The following DPP10 variants were observed in gnomAD, a reference collection of about 807,000 sequenced individuals.
The protein encoded by DPP10 is dipeptidyl peptidase like 10.
A neutral mutation model predicts 120.9 loss-of-function variants in DPP10; 33 were observed. The observed-to-expected ratio is 0.27, with a 90% CI of 0.21 to 0.37. The LOEUF (loss-of-function observed/expected upper bound fraction) is 0.37. DPP10 is among the 10% of genes least tolerant of loss of function. DPP10 has a pLI of 1.00. For synonymous variants in DPP10, 337 were observed against 326.1 expected, an observed-to-expected ratio of 1.03 and a Z score of -0.36; for missense variants, 816 against 942.8, an observed-to-expected ratio of 0.87 and a Z score of 1.76.
intron 3 of DPP10, among the ~76,000 whole-genome samples, chr2:115,391,406 G>A (rs2067305808): frequency 6.6e-6 from 1 of 152,072 alleles, no homozygotes; most frequent in African/African-American, 2.4e-5. Context: ...CACATTCAAG[G>A]ATATATGAGA....
intron 1 of DPP10, among the ~76,000 whole-genome samples, chr2:114,963,923 T>C (rs965503119): frequency 6.6e-6 from 1 of 152,178 alleles, no homozygotes; most frequent in East Asian, 1.9e-4. Flanking sequence ...GAAGCAAAGA[T>C]ACAGAGAAGA....
At chr2:115,398,323 G>C (rs774355006) in intron 3 of DPP10, among the ~76,000 whole-genome samples, 1 of 151,964 alleles carries the variant, frequency 6.6e-6, no homozygotes, top group Non-Finnish European at 1.5e-5. Context: ...ATTGAGTCAC[G>C]CCTGAAGCAA....
intron 3 of DPP10, among the ~76,000 whole-genome samples, chr2:115,404,059 A>T (rs1453636798): frequency 1.3e-5 from 2 of 152,228 alleles, no homozygotes; most frequent in Non-Finnish European, 2.9e-5. Context: ...GTATTAGACC[A>T]TTCCCACATT....
chr2:115,592,421 A>G (rs1400427060), intron 5 of DPP10, among the ~76,000 whole-genome samples: 1 of 152,010 alleles, frequency 6.6e-6, no homozygotes, highest in Non-Finnish European at 1.5e-5. Context: ...TCTTAGTTCT[A>G]GGAAAGGCAT....
At chr2:115,056,845 T>C (rs550924489) in intron 1 of DPP10, among the ~76,000 whole-genome samples, 1 of 152,372 alleles carries the variant, frequency 6.6e-6, no homozygotes, top group East Asian at 1.9e-4. Flanking sequence ...TGTCTACATT[T>C]ACAACAACCC....
intron 1 of DPP10, among the ~76,000 whole-genome samples, chr2:114,650,955 C>G (rs1169550235): frequency 6.6e-6 from 1 of 152,082 alleles, no homozygotes; most frequent in African/African-American, 2.4e-5. Context: ...CTCATACATT[C>G]AATATTTTCC....
At chr2:115,443,045 T>C (rs1416070349) in intron 3 of DPP10, among the ~76,000 whole-genome samples, 2 of 152,196 alleles carry the variant, frequency 1.3e-5, no homozygotes, top group African/African-American at 4.8e-5. Context: ...CTCTTTTTTA[T>C]TTTACATTGA....
At chr2:115,162,008 C>G in intron 1 of DPP10, 2 of 1,385,660 alleles carry the variant, frequency 1.4e-6, no homozygotes, top group Non-Finnish European at 1.9e-6. Flanking sequence ...CAGGGCGAGC[C>G]AGGCGCAGCC....
intron 1 of DPP10, among the ~76,000 whole-genome samples, chr2:115,034,106 A>G (rs540840231): frequency 1.3e-5 from 2 of 151,834 alleles, no homozygotes; most frequent in African/African-American, 4.8e-5. Context: ...CATGTTGGCC[A>G]GGATGGTCTT....
chr2:115,560,560 TC>T (rs1188147996), intron 5 of DPP10, among the ~76,000 whole-genome samples: 78 of 147,558 alleles, frequency 5.3e-4, no homozygotes, highest in African/African-American at 1.8e-3. Context: ...AGTGATCTAT[TC>T]CCCCCACCCC....
intron 5 of DPP10, among the ~76,000 whole-genome samples, chr2:115,667,543 T>C (rs1263839471): frequency 6.6e-6 from 1 of 152,144 alleles, no homozygotes; most frequent in Non-Finnish European, 1.5e-5. Context: ...AGGGTACAGT[T>C]TCATTCTTCT....
At chr2:114,914,184 C>A (rs772523268) in intron 1 of DPP10, among the ~76,000 whole-genome samples, 1 of 152,130 alleles carries the variant, frequency 6.6e-6, no homozygotes, top group South Asian at 2.1e-4. Context: ...CCCAACCTCA[C>A]GTGCAAATCT....
chr2:115,432,750 T>G (rs1391682349), intron 3 of DPP10, among the ~76,000 whole-genome samples: 1 of 149,086 alleles, frequency 6.7e-6, no homozygotes, highest in African/African-American at 2.5e-5. Flanking sequence ...TCAGCAGGCA[T>G]GAAACAATGA....
intron 1 of DPP10, among the ~76,000 whole-genome samples, chr2:114,982,179 T>C (rs1700129596): frequency 6.6e-6 from 1 of 152,184 alleles, no homozygotes; most frequent in African/African-American, 2.4e-5. Context: ...AAAAACACTT[T>C]CAATAATATG....
intron 1 of DPP10, among the ~76,000 whole-genome samples, chr2:114,955,977 C>T (rs1698173186): frequency 6.6e-6 from 1 of 152,170 alleles, no homozygotes; most frequent in Non-Finnish European, 1.5e-5. Flanking sequence ...GATAAGCCCA[C>T]AGCTAACATC....
intron 1 of DPP10, among the ~76,000 whole-genome samples, chr2:114,859,056 G>A (rs1015720998): frequency 2.0e-5 from 3 of 152,068 alleles, no homozygotes; most frequent in Non-Finnish European, 2.9e-5. Flanking sequence ...GCCAGACGCG[G>A]TGGCTCACGC....
intron 1 of DPP10, among the ~76,000 whole-genome samples, chr2:114,967,415 T>G (rs1699110789): frequency 6.6e-6 from 1 of 152,136 alleles, no homozygotes. Flanking sequence ...CCGCAGAGGC[T>G]TTCTTCTGAG....
intron 5 of DPP10, among the ~76,000 whole-genome samples, chr2:115,544,516 A>G (rs367704900): frequency 6.6e-6 from 1 of 152,064 alleles, no homozygotes; most frequent in Non-Finnish European, 1.5e-5. Flanking sequence ...TAAACCTGTC[A>G]TCATGGATTA....
At chr2:114,821,133 T>TGGTG (rs2106357130) in intron 1 of DPP10, among the ~76,000 whole-genome samples, 1 of 152,046 alleles carries the variant, frequency 6.6e-6, no homozygotes, top group East Asian at 1.9e-4. Flanking sequence ...CTGGAGGAGG[T>TGGTG]GGTGTCTGAT....
Sources: allele counts gnomAD v4.1 joint callset (sites outside exome capture counted in the v4.1 genomes callset), GRCh38; gene constraint gnomAD v4.1.1; transcripts MANE v1.5; gene names NCBI Gene and HGNC (gene_info 2026-07-23, HGNC 2026-07-21).